COL6A2: variants seen among roughly 807,000 people sequenced by gnomAD.
The protein encoded by COL6A2 is collagen type VI alpha 2 chain.
In COL6A2, 90 loss-of-function variants were observed where a neutral mutation model predicts 124.9. The observed-to-expected ratio is 0.72, with a 90% CI of 0.61 to 0.86. The LOEUF is 0.86. Among genes scored for constraint, COL6A2 ranks in the 40% least tolerant of loss-of-function variants. COL6A2 has a pLI of 0.00. For missense variants in COL6A2, 1,607 were observed against 1,502.5 expected (o/e 1.07, Z -1.15); for synonymous variants, 793 against 618.2 (o/e 1.28, Z -4.19).
Position 46,126,024 on chromosome 21 carries a change from C to G in COL6A2, c.2209C>G (p.Pro737Ala). The change falls in exon 26 of 28, where the codon CCT becomes GCT. Residue 737 changes from proline to alanine, a missense_variant. Transcript: ENST00000300527. ...AVVITDGRHD[P>A]RDDDLNLRAL... ...GGTCATCACGGACGGGCGCCACGAC[C>G]CTCGGGACGATGACCTCAACTTGCG... The G allele has an allele frequency of 6.2e-7, 1 of 1,613,012 alleles. No homozygotes were observed. Among genetic ancestry groups the G allele is most frequent in the South Asian group, 1.1e-5 (1 of 91,078 alleles).
At position 46,119,683 on chromosome 21, in the gene COL6A2, C is replaced by T. The variant is rs2078529634; in HGVS notation, c.1270-105C>T. 4 of 1,031,948 alleles carry T rather than the reference C, an allele frequency of 3.9e-6. No homozygotes were observed. The East Asian group carries it at 1.0e-4, about 27-fold the overall frequency. 63.9% of individuals were successfully genotyped at this position (1,031,948 alleles called of 1,614,324 possible). On this transcript the variant is annotated intron_variant, in intron 14 of 27. Transcript: ENST00000300527. ...GAGGTCCCAGGTCCCAAAGCCAGAG[C>T]CCTCCTGTAGAGAAGGAGCATCGGC...
chr21:46,124,818 T>C (rs2078634152), intron 22 of COL6A2, 67 bp from the exon 23 acceptor site: 1 of 1,604,256 alleles, frequency 6.2e-7, no homozygotes, highest in South Asian at 1.1e-5. Context: ...CAGTGGGCAG[T>C]GGCCTGGGAG....
At position 46,132,039 on chromosome 21, in the gene COL6A2, C is replaced by T. The variant is rs1169525618; in HGVS notation, c.2547C>T (p.Phe849=). 2 of 1,608,236 alleles carry T rather than the reference C, an allele frequency of 1.2e-6. No individual in the cohort carries two copies. The highest frequency in any genetic ancestry group is 1.3e-5 in the African/African-American group (1 of 74,902). Residue 849 remains phenylalanine, a synonymous_variant, in exon 28 of 28, where the codon TTC becomes TTT. Transcript: ENST00000300527. ...CCGAGCGGCTGGGTGAGCAGAACTTCCACAAGGCCCGGCGCTTCGTGGAGC... is the reference window on the plus strand; with the variant it reads ...CCGAGCGGCTGGGTGAGCAGAACTTTCACAAGGCCCGGCGCTTCGTGGAGC... ...DGSERLGEQN[F]HKARRFVEQV...
intron 27 of COL6A2, 43 bp from the exon 28 acceptor site, chr21:46,131,911 C>T (rs779280474): frequency 6.5e-7 from 1 of 1,534,016 alleles, no homozygotes; most frequent in Non-Finnish European, 8.8e-7. Context: ...CCCGGTCCTG[C>T]CCACCTCCCC....
chr21:46,112,270 G>A lies in COL6A2; in HGVS notation c.407G>A (p.Cys136Tyr). The change falls in exon 3 of 28, where the codon TGC becomes TAC. Residue 136 changes from cysteine to tyrosine, a missense_variant. By Grantham distance (194) the Cys-to-Tyr change is radical. Coordinates refer to ENST00000300527, the MANE Select transcript of COL6A2 (RefSeq NM_001849.4). ...SSFRRGTFTDCALANMTEQIR... is the reference protein window; with the variant it reads ...SSFRRGTFTDYALANMTEQIR... ...TTCCGCCGCGGCACCTTCACCGACT[G>A]CGCGCTGGCCAACATGACGGAGCAG... 1 of 1,612,732 alleles carries A rather than the reference G, an allele frequency of 6.2e-7. No individual in the cohort carries two copies. Among genetic ancestry groups the A allele is most frequent in the Non-Finnish European group, 8.5e-7 (1 of 1,179,982 alleles).
At position 46,132,589 on chromosome 21, in the gene COL6A2, C is replaced by G; in HGVS notation, c.*37C>G. On this transcript the variant is annotated 3_prime_UTR_variant, in exon 28 of 28. Coordinates refer to ENST00000300527, the MANE Select transcript of COL6A2 (RefSeq NM_001849.4). ...GGGCCCCGCAGTCGAGGGTCGTGAG[C>G]CCACCCCGTCCATGGTGCTAAGCGG... 1 of 1,546,070 alleles carries G rather than the reference C, an allele frequency of 6.5e-7. No individual in the cohort carries two copies. Among genetic ancestry groups the G allele is most frequent in the Non-Finnish European group, 8.7e-7 (1 of 1,147,032 alleles).
rs2078656221 is a variant in COL6A2, at chr21:46,125,855, T to C, written c.2040T>C (p.Arg680=). The C allele has an allele frequency of 1.2e-6, 2 of 1,612,838 alleles. No individual in the cohort carries two copies. The highest frequency in any genetic ancestry group is 1.7e-6 in the Non-Finnish European group (2 of 1,179,948). ...AGGCCATCCAGCTGGACGACGAACG[T>C]ATCGACTCCCTGTCGAGCTTCAAGG... The part of the protein sequence containing the change: ...TFEAIQLDDE[R]IDSLSSFKEA... Residue 680 remains arginine, a synonymous_variant, in exon 26 of 28, where the codon CGT becomes CGC. Transcript: ENST00000300527.
intron 10 of COL6A2, 77 bp from the exon 11 acceptor site, chr21:46,117,323 G>A (rs2078487850): frequency 2.1e-6 from 3 of 1,429,008 alleles, no homozygotes; most frequent in Non-Finnish European, 2.9e-6. Context: ...AGAACCGGGT[G>A]GGCTGTGTCT....
chr21:46,102,398 A>G (rs1366420852), intron 1 of COL6A2, among the ~76,000 whole-genome samples: 1 of 152,106 alleles, frequency 6.6e-6, no homozygotes, highest in East Asian at 1.9e-4. Flanking sequence ...TTCTTGCCCA[A>G]TTGCTCTGGC....
chr21:46,121,698 G>A (rs2078569271), intron 18 of COL6A2, 80 bp downstream of exon 18: 6 of 1,429,214 alleles, frequency 4.2e-6, no homozygotes, highest in Non-Finnish European at 4.9e-6. Context: ...CCGGCCTGGG[G>A]GACCCTGTTG....
Position 46,115,916 on chromosome 21 carries a change from G to A in COL6A2, c.846G>A (p.Lys282=). The change falls in exon 6 of 28, where the codon AAG becomes AAA. Residue 282 remains lysine (K), a synonymous_variant. Transcript: ENST00000300527. The part of the protein sequence containing the change: ...NMGEPGEPGQ[K]GRQGDPGIEG... ...GTGAGCCGGGAGAGCCTGGCCAGAA[G>A]GGAAGACAGGTGAGTGTCCTTGCCC... The A allele has an allele frequency of 6.2e-7, 1 of 1,612,908 alleles. No individual in the cohort carries two copies.
intron 20 of COL6A2, 83 bp downstream of exon 20, chr21:46,122,614 A>C: frequency 6.9e-7 from 1 of 1,452,940 alleles, no homozygotes; most frequent in Non-Finnish European, 9.6e-7. Context: ...GCCCACCGTC[A>C]CTGACAGGAC....
chr21:46,117,471 C>G lies in COL6A2; in HGVS notation c.1053+18C>G. ...GAAACCGGGTAAGGGCCGTTTGCAC[C>G]CCTCCTTCAGCCTCGGCCCAGGGGG... On this transcript the variant is annotated intron_variant, in intron 11 of 27. Transcript: ENST00000300527. The G allele has an allele frequency of 1.9e-6, 3 of 1,611,982 alleles. No homozygotes were observed. Among genetic ancestry groups the G allele is most frequent in the Non-Finnish European group, 2.5e-6 (3 of 1,179,404 alleles).
At chr21:46,113,731 C>G in intron 4 of COL6A2, 1 of 536,540 alleles carries the variant, frequency 1.9e-6, no homozygotes, top group South Asian at 2.1e-5. Context: ...CCTTTCTTCC[C>G]TTCTATTTTC....
At chr21:46,130,058 G>A (rs1381121568) in intron 27 of COL6A2, among the ~76,000 whole-genome samples, 1 of 152,200 alleles carries the variant, frequency 6.6e-6, no homozygotes, top group Non-Finnish European at 1.5e-5. Context: ...GTGACTCGTG[G>A]GCGCTCACGG....
intron 21 of COL6A2, 117 bp from the exon 22 acceptor site, chr21:46,124,534 T>G: frequency 1.3e-6 from 1 of 761,548 alleles, no homozygotes; most frequent in Non-Finnish European, 2.1e-6. Context: ...CTTGCACCTG[T>G]TAGCCCCCCC....
chr21:46,128,867 GA>G, intron 27 of COL6A2: 2 of 1,570,890 alleles, frequency 1.3e-6, no homozygotes, highest in Non-Finnish European at 1.8e-6. Context: ...TGCGGCACTG[GA>G]AGCCCTACTG....
chr21:46,098,682 G>GAGGGCGGGAC (rs1341987256), intron 1 of COL6A2: 1 of 151,902 alleles, frequency 6.6e-6, no homozygotes, highest in Non-Finnish European at 1.5e-5. Flanking sequence ...TTCGGTGCCC[G>GAGGGCGGGAC]AGGGCGGGAC....
Position 46,126,056 on chromosome 21 carries a change from G to A in COL6A2, c.2241G>A (p.Leu747=), listed in dbSNP as rs398123649. The A allele has an allele frequency of 4.3e-6, 7 of 1,612,912 alleles. No individual in the cohort carries two copies. Among genetic ancestry groups the A allele is most frequent in the South Asian group, 1.1e-5 (1 of 91,086 alleles). The stretch of plus-strand genomic sequence containing the variant: ...ACGATGACCTCAACTTGCGGGCGCT[G>A]TGCGACCGCGACGTCACAGTGACGG... The part of the protein sequence containing the change: ...PRDDDLNLRA[L]CDRDVTVTAI... Residue 747 remains leucine, a synonymous_variant, in exon 26 of 28, where the codon CTG becomes CTA. Transcript: ENST00000300527.
Sources: allele counts gnomAD v4.1 joint callset (sites outside exome capture counted in the v4.1 genomes callset), GRCh38; gene constraint gnomAD v4.1.1; transcripts MANE v1.5; gene names NCBI Gene and HGNC (gene_info 2026-07-23, HGNC 2026-07-21).